NUP107: variants seen among roughly 807,000 people sequenced by gnomAD.
NUP107 encodes nucleoporin 107.
Under a neutral mutation model 141.0 loss-of-function variants are expected in NUP107, and 101 were observed. The observed-to-expected ratio is 0.72, with a 90% CI of 0.61 to 0.84. The LOEUF is 0.84. Ranked by LOEUF, NUP107 falls within the 40% of genes least tolerant of loss-of-function variation. NUP107 has a pLI of 0.00. For missense variants in NUP107, 941 were observed against 1,102.7 expected (o/e 0.85, Z 2.08); for synonymous variants, 319 against 363.9 (o/e 0.88, Z 1.41).
Position 68,735,322 on chromosome 12 carries a change from G to C in NUP107, c.2480G>C (p.Gly827Ala). 1 of 1,613,404 alleles carries C rather than the reference G, an allele frequency of 6.2e-7. No individual in the cohort carries two copies. Among genetic ancestry groups the C allele is most frequent in the Non-Finnish European group, 8.5e-7 (1 of 1,179,454 alleles). ...MYNVLLFVDG[G>A]WMVDVREDAK... ...AACGTCTTGTTGTTTGTTGATGGAG[G>C]GTGGATGGTGGATGTTAGAGAGGTA... The change falls in exon 26 of 28, where the codon GGG becomes GCG. Residue 827 changes from glycine to alanine, a missense_variant. By Grantham distance (60) the Gly-to-Ala change is moderately conservative. Coordinates refer to ENST00000229179, the MANE Select transcript of NUP107 (RefSeq NM_020401.4).
rs1338603952 is a variant in NUP107 at position 68,733,447 on chromosome 12, C to T, written c.2102-5C>T. On this transcript the variant is annotated splice_polypyrimidine_tract_variant and splice_region_variant and intron_variant, in intron 23 of 27. Transcript: ENST00000229179. ...GCATTCAAAATTGTGTATCTTTTTT[C>T]ACAGCATCAAAAAAGCACGAAGCTG... 2 of 1,601,892 alleles carry T rather than the reference C, an allele frequency of 1.2e-6. No individual in the cohort carries two copies. Among genetic ancestry groups the T allele is most frequent in the Non-Finnish European group, 1.7e-6 (2 of 1,174,894 alleles).
intron 26 of NUP107, among the ~76,000 whole-genome samples, chr12:68,739,229 A>G (rs1378204634): frequency 2.0e-5 from 3 of 152,204 alleles, no homozygotes; most frequent in Non-Finnish European, 2.9e-5. Context: ...TTTAATCTCC[A>G]TATCCTACAT....
chr12:68,715,439 T>A (rs1338265967), intron 11 of NUP107, among the ~76,000 whole-genome samples, 188 bp from the exon 12 acceptor site: 6 of 152,044 alleles, frequency 3.9e-5, no homozygotes, highest in East Asian at 1.9e-4. Context: ...GGTTGTGGTG[T>A]GCTGAGATCG....
intron 10 of NUP107, among the ~76,000 whole-genome samples, chr12:68,710,851 ATTTTATGT>A (rs1056214177): frequency 1.3e-5 from 2 of 152,162 alleles, no homozygotes; most frequent in Admixed American, 6.6e-5. Context: ...ATAATACAAT[ATTTTATGT>A]AAAGGATCTG....
At chr12:68,709,091 T>G in intron 8 of NUP107, 147 bp from the exon 9 acceptor site, 1 of 547,026 alleles carries the variant, frequency 1.8e-6, no homozygotes. Context: ...ATGATGAATA[T>G]ACAGATTTAC....
chr12:68,690,231 A>G (rs1875719587), intron 3 of NUP107, among the ~76,000 whole-genome samples: 1 of 151,776 alleles, frequency 6.6e-6, no homozygotes, highest in South Asian at 2.1e-4. Context: ...ACAGAAAAAA[A>G]AGAGTATGTA....
At chr12:68,724,603 C>T (rs551964790) in intron 17 of NUP107, among the ~76,000 whole-genome samples, 1 of 151,968 alleles carries the variant, frequency 6.6e-6, no homozygotes, top group Admixed American at 6.6e-5. Context: ...ATGGCAAAAC[C>T]CCATCTCTAC....
At chr12:68,721,266 TAA>T (rs1877337774) in intron 15 of NUP107, 89 bp downstream of exon 15, 2 of 812,416 alleles carry the variant, frequency 2.5e-6, no homozygotes, top group Middle Eastern at 7.0e-4. Context: ...AATATAAACT[TAA>T]GTTTGTATAC....
chr12:68,707,751 G>C (rs1221234838), intron 8 of NUP107, among the ~76,000 whole-genome samples: 1 of 152,006 alleles, frequency 6.6e-6, no homozygotes, highest in Non-Finnish European at 1.5e-5. Context: ...TGTTGTTGTT[G>C]TTCATTATTT....
intron 8 of NUP107, 81 bp from the exon 9 acceptor site, chr12:68,709,148 ATACTGGCTT>A: frequency 1.2e-6 from 1 of 860,350 alleles, no homozygotes; most frequent in Non-Finnish European, 1.9e-6. Flanking sequence ...TACTTGTTTC[ATACTGGCTT>A]TTTATCTTTC....
chr12:68,692,548 C>T (rs1397601374), intron 5 of NUP107, among the ~76,000 whole-genome samples: 1 of 150,870 alleles, frequency 6.6e-6, no homozygotes, highest in Non-Finnish European at 1.5e-5. Context: ...CATTGCACTC[C>T]AGCCTGGGCT....
intron 26 of NUP107, among the ~76,000 whole-genome samples, chr12:68,736,208 G>A (rs1878059973): frequency 6.6e-6 from 1 of 152,150 alleles, no homozygotes; most frequent in African/African-American, 2.4e-5. Context: ...AAAACAGTAA[G>A]TGTTCTTGGT....
chr12:68,726,172 G>C (rs1877556794), intron 18 of NUP107, among the ~76,000 whole-genome samples: 1 of 152,072 alleles, frequency 6.6e-6, no homozygotes, highest in South Asian at 2.1e-4. Context: ...CTCTTTATGA[G>C]TTCTTCATTG....
At chr12:68,730,342 C>T (rs1016155420) in intron 20 of NUP107, among the ~76,000 whole-genome samples, 1 of 151,216 alleles carries the variant, frequency 6.6e-6, no homozygotes, top group Admixed American at 6.7e-5. Flanking sequence ...CCTCAGCCTC[C>T]CAAGTAGCTG....
chr12:68,720,037 G>A (rs1022460080), intron 14 of NUP107, among the ~76,000 whole-genome samples: 1 of 152,074 alleles, frequency 6.6e-6, no homozygotes, highest in Non-Finnish European at 1.5e-5. Flanking sequence ...AAGTAAGGTG[G>A]GTCTACCAGG....
At chr12:68,715,134 A>C (rs1877043268) in intron 11 of NUP107, among the ~76,000 whole-genome samples, 1 of 152,236 alleles carries the variant, frequency 6.6e-6, no homozygotes, top group South Asian at 2.1e-4. Flanking sequence ...GCAGATGACT[A>C]TGTGGCTATT....
At chr12:68,691,941 AT>A in intron 4 of NUP107, 26 bp from the exon 5 acceptor site, 1 of 1,563,002 alleles carries the variant, frequency 6.4e-7, no homozygotes. Context: ...ACTTTTCTGT[AT>A]TTTTACTTTT....
chr12:68,733,497 C>G lies in NUP107; in HGVS notation c.2147C>G (p.Pro716Arg). Residue 716 changes from proline to arginine, a missense_variant, in exon 24 of 28, where the codon CCT (proline) becomes CGT (arginine). By Grantham distance (103) the Pro-to-Arg change is moderately radical. Coordinates refer to ENST00000229179, the MANE Select transcript of NUP107 (RefSeq NM_020401.4). ...GCAAAAGAAGTATTTGTGAAAATTCCTCAGGATTCTATAGCAGAAATCTAT... is the reference window on the plus strand; with the variant it reads ...GCAAAAGAAGTATTTGTGAAAATTCGTCAGGATTCTATAGCAGAAATCTAT... ...EAAKEVFVKI[P>R]QDSIAEIYNQ... 1 of 1,609,818 alleles carries G rather than the reference C, an allele frequency of 6.2e-7. No individual in the cohort carries two copies. The highest frequency in any genetic ancestry group is 8.5e-7 in the Non-Finnish European group (1 of 1,178,578).
chr12:68,731,263 A>G lies in NUP107; in HGVS notation c.1885+3A>G, dbSNP rs745666134. On this transcript the variant is annotated splice_donor_region_variant and intron_variant, in intron 21 of 27. Coordinates refer to ENST00000229179, the MANE Select transcript of NUP107 (RefSeq NM_020401.4). ...CCTGGAGTTGGCTAAAGAAGCAGGTAAAAATGGTTGAAAACTTTGTCTTTT... is the reference window on the plus strand; with the variant it reads ...CCTGGAGTTGGCTAAAGAAGCAGGTGAAAATGGTTGAAAACTTTGTCTTTT... The G allele has an allele frequency of 1.3e-6, 2 of 1,591,650 alleles. No individual in the cohort carries two copies. Among genetic ancestry groups the G allele is most frequent in the South Asian group, 1.2e-5 (1 of 85,852 alleles).
Sources: gnomAD v4.1 joint callset for allele counts (sites outside exome capture counted in the v4.1 genomes callset) on GRCh38, gnomAD v4.1.1 for gene constraint, MANE v1.5 for transcripts, NCBI Gene and HGNC (gene_info 2026-07-23, HGNC 2026-07-21) for gene names.